Variants in NRG3 observed in about 807,000 individuals in gnomAD.
NRG3 encodes neuregulin 3.
In NRG3, 31 loss-of-function variants were observed where a neutral mutation model predicts 66.9. The ratio of observed to expected loss-of-function variants is 0.46; its 90% confidence interval spans 0.35 to 0.63. NRG3 has a LOEUF of 0.63. Among genes scored for constraint, NRG3 ranks in the 20% least tolerant of loss-of-function variants. NRG3 has a pLI of 0.00. For missense variants in NRG3, 910 were observed against 878.9 expected (o/e 1.04, Z -0.45); for synonymous variants, 393 against 359.4 (o/e 1.09, Z -1.06).
intron 2 of NRG3, among the ~76,000 whole-genome samples, chr10:82,436,293 G>T (rs1269205732): frequency 2.6e-5 from 4 of 152,132 alleles, no homozygotes; most frequent in Non-Finnish European, 5.9e-5. Context: ...ATGACATAAT[G>T]CCCTTCTCTG....
chr10:82,624,447 A>T (rs2049266841), intron 2 of NRG3, among the ~76,000 whole-genome samples: 1 of 152,054 alleles, frequency 6.6e-6, no homozygotes, highest in Non-Finnish European at 1.5e-5. Context: ...CCCTTGTGGC[A>T]AAATCTAATG....
At chr10:81,969,772 A>AGTGTGT (rs151308270) in intron 1 of NRG3, among the ~76,000 whole-genome samples, 34 of 144,992 alleles carry the variant, frequency 2.3e-4, no homozygotes, top group African/African-American at 7.4e-4. Context: ...GGACATTTTG[A>AGTGTGT]GTGTGTGTGT....
chr10:82,469,856 C>T (rs1345182138), intron 2 of NRG3, among the ~76,000 whole-genome samples: 2 of 152,220 alleles, frequency 1.3e-5, no homozygotes, highest in Non-Finnish European at 2.9e-5. Flanking sequence ...CTTCTAATTA[C>T]TTCCTTAGTT....
At chr10:81,953,874 T>A (rs1276146320) in intron 1 of NRG3, among the ~76,000 whole-genome samples, 3 of 152,206 alleles carry the variant, frequency 2.0e-5, no homozygotes, top group Non-Finnish European at 4.4e-5. Flanking sequence ...CTCATTAACA[T>A]CTCAACATTT....
intron 4 of NRG3, among the ~76,000 whole-genome samples, chr10:82,900,109 A>G (rs760988193): frequency 1.3e-5 from 2 of 152,126 alleles, no homozygotes; most frequent in African/African-American, 2.4e-5. Flanking sequence ...GGAGCAAGAG[A>G]GAGTGGTGTC....
At chr10:82,500,111 AG>A (rs777989047) in intron 2 of NRG3, among the ~76,000 whole-genome samples, 6 of 152,272 alleles carry the variant, frequency 3.9e-5, no homozygotes, top group Non-Finnish European at 7.4e-5. Context: ...GAAAAAGGAG[AG>A]GCATATGCTA....
chr10:82,901,476 T>C (rs937711295), intron 4 of NRG3, among the ~76,000 whole-genome samples: 23 of 152,190 alleles, frequency 1.5e-4, no homozygotes, highest in African/African-American at 5.3e-4. Flanking sequence ...TAAAAGGTCC[T>C]GGAATCTTTC....
intron 1 of NRG3, among the ~76,000 whole-genome samples, chr10:81,916,259 G>A (rs1408927411): frequency 6.6e-6 from 1 of 152,038 alleles, no homozygotes; most frequent in Non-Finnish European, 1.5e-5. Context: ...GTTTCCATGA[G>A]ACAGCCTTTA....
chr10:82,623,328 G>A (rs2049172617), intron 2 of NRG3, among the ~76,000 whole-genome samples: 1 of 152,154 alleles, frequency 6.6e-6, no homozygotes, highest in Non-Finnish European at 1.5e-5. Context: ...AGTCATAAAA[G>A]TGTGCGTTCT....
In NRG3 at chr10:82,362,241, TA is replaced by T. The variant is rs796158920; in HGVS notation, c.953+3385del. Among the ~76,000 whole-genome samples the T allele has an allele frequency of 7.5e-3, 1,027 of 136,060 alleles. 4 individuals are homozygous for T. The highest frequency in any genetic ancestry group is 0.034 in the South Asian group (146 of 4,330). 89.3% of individuals were successfully genotyped at this position (136,060 alleles called of 152,430 possible). A position where few individuals can be genotyped will look rare whatever the true frequency, so the allele number is the denominator to read the frequency against. ...CTTAGAAATTATAAAGCAATTTAAT[TA>T]AAAAAAAAAAACTTGACAGAAGGAT... On this transcript the variant is annotated intron_variant, in intron 2 of 8. Transcript: ENST00000372141.
At chr10:82,869,975 T>G (rs1841169312) in intron 4 of NRG3, among the ~76,000 whole-genome samples, 1 of 149,980 alleles carries the variant, frequency 6.7e-6, no homozygotes, top group Admixed American at 6.7e-5. Flanking sequence ...AAATAATACC[T>G]TTTGTACTGG....
intron 1 of NRG3, among the ~76,000 whole-genome samples, chr10:82,277,374 A>T (rs891085709): frequency 6.6e-6 from 1 of 152,112 alleles, no homozygotes; most frequent in Non-Finnish European, 1.5e-5. Context: ...TAGGACTTCT[A>T]AGTTGGAAAA....
At chr10:81,912,847 G>A (rs1845301815) in intron 1 of NRG3, among the ~76,000 whole-genome samples, 1 of 152,170 alleles carries the variant, frequency 6.6e-6, no homozygotes, top group Admixed American at 6.5e-5. Context: ...TAGAAGGTGG[G>A]CAGGGATCAG....
chr10:82,599,268 A>C (rs2047472498), intron 2 of NRG3, among the ~76,000 whole-genome samples: 1 of 152,170 alleles, frequency 6.6e-6, no homozygotes, highest in South Asian at 2.1e-4. Context: ...TTTTCATTTT[A>C]ATATTAGAAA....
At chr10:81,972,614 A>G (rs1419125297) in intron 1 of NRG3, among the ~76,000 whole-genome samples, 2 of 152,184 alleles carry the variant, frequency 1.3e-5, no homozygotes, top group African/African-American at 4.8e-5. Flanking sequence ...CTATCATGAA[A>G]TAAAACTAAT....
chr10:82,070,500 G>C (rs528326195), intron 1 of NRG3, among the ~76,000 whole-genome samples: 59 of 152,122 alleles, frequency 3.9e-4, no homozygotes, highest in Non-Finnish European at 6.9e-4. Context: ...AACTGTAACA[G>C]AAAATATTGA....
At chr10:82,380,342 A>T (rs2085533447) in intron 2 of NRG3, among the ~76,000 whole-genome samples, 1 of 152,148 alleles carries the variant, frequency 6.6e-6, no homozygotes, top group Non-Finnish European at 1.5e-5. Context: ...ACTTATTCAC[A>T]AAAAAGGTAA....
chr10:82,272,000 A>G (rs912727263), intron 1 of NRG3, among the ~76,000 whole-genome samples: 1 of 152,094 alleles, frequency 6.6e-6, no homozygotes, highest in Non-Finnish European at 1.5e-5. Flanking sequence ...ATATAAACCT[A>G]CTATTCTACT....
intron 2 of NRG3, among the ~76,000 whole-genome samples, chr10:82,635,378 G>A (rs1285745146): frequency 1.3e-5 from 2 of 152,060 alleles, no homozygotes; most frequent in East Asian, 1.9e-4. Context: ...TGCTTCTTTA[G>A]CTTCTTTTCT....
Sources: gnomAD v4.1 joint callset for allele counts (sites outside exome capture counted in the v4.1 genomes callset) on GRCh38, gnomAD v4.1.1 for gene constraint, MANE v1.5 for transcripts, NCBI Gene and HGNC (gene_info 2026-07-23, HGNC 2026-07-21) for gene names.